The following DCK variants were observed in gnomAD, a reference collection of about 807,000 sequenced individuals.
DCK encodes deoxyadenosine kinase.
A neutral mutation model predicts 38.3 loss-of-function variants in DCK; 23 were observed. That is an observed-to-expected ratio of 0.60 (90% CI 0.43 to 0.85). The LOEUF (loss-of-function observed/expected upper bound fraction) is 0.85. Ranked by LOEUF, DCK falls within the 40% of genes least tolerant of loss-of-function variation. The pLI is 0.00. For missense variants in DCK, 259 were observed against 304.4 expected (o/e 0.85, Z 1.11); for synonymous variants, 108 against 100.6 (o/e 1.07, Z -0.44).
At chr4:70,998,646 G>A (rs769978885) in intron 2 of DCK, among the ~76,000 whole-genome samples, 53 of 152,118 alleles carry the variant, frequency 3.5e-4, no homozygotes, top group Non-Finnish European at 7.1e-4. Context: ...CATTGAGGCC[G>A]GGGTTGGTGG....
chr4:71,019,389 T>C (rs1003163591), intron 2 of DCK, among the ~76,000 whole-genome samples: 28 of 152,200 alleles, frequency 1.8e-4, no homozygotes, highest in African/African-American at 6.5e-4. Flanking sequence ...AGTTAATTTT[T>C]TTGTTGTGGC....
chr4:70,998,132 G>A lies in DCK; in HGVS notation c.157G>A (p.Glu53Lys). ...GTGTGAAGATTGGGAAGTGGTTCCT[G>A]AACCTGTTGCCAGATGGTGCAATGT... ...QLCEDWEVVP[E>K]PVARWCNVQS... is the part of the protein sequence containing the mutation. Residue 53 changes from glutamate to lysine, a missense_variant, in exon 2 of 7, where the codon GAA (glutamate) becomes AAA (lysine). Around this residue, in one of 3 missense-constraint regions of DCK, gnomAD observed 159 missense variants for 159.0 expected, o/e 1.00. Coordinates refer to ENST00000286648, the MANE Select transcript of DCK (RefSeq NM_000788.3). 6.2e-7 allele frequency: 1 copy of A among 1,609,272 alleles called. No homozygotes were observed. Among genetic ancestry groups the A allele is most frequent in the Non-Finnish European group, 8.5e-7 (1 of 1,176,976 alleles).
chr4:71,016,377 C>G (rs1208931714), intron 2 of DCK, among the ~76,000 whole-genome samples: 2 of 152,260 alleles, frequency 1.3e-5, no homozygotes, highest in Non-Finnish European at 2.9e-5. Flanking sequence ...TTTATAGATT[C>G]AATGCCATCC....
At chr4:71,023,761 C>G in intron 4 of DCK, 55 bp downstream of exon 4, 1 of 1,551,990 alleles carries the variant, frequency 6.4e-7, no homozygotes, top group Non-Finnish European at 8.7e-7. Flanking sequence ...ATTTAGAACT[C>G]TTTTCAGTGG....
At chr4:71,007,456 T>C (rs1444006313) in intron 2 of DCK, among the ~76,000 whole-genome samples, 1 of 152,216 alleles carries the variant, frequency 6.6e-6, no homozygotes, top group Non-Finnish European at 1.5e-5. Flanking sequence ...TCTTCTTTCC[T>C]ACGTTACTAC....
chr4:71,025,872 T>A lies in DCK; in HGVS notation c.606T>A (p.Leu202=), dbSNP rs1740535556. 6.2e-7 allele frequency: 1 copy of A among 1,611,444 alleles called. No homozygotes were observed. Among genetic ancestry groups the A allele is most frequent in the African/African-American group, 1.3e-5 (1 of 74,860 alleles). ...GAAATGAAGAGCAAGGCATTCCTCTTGAATATTTAGAGAAGCTTCATTATA... is the reference window on the plus strand; with the variant it reads ...GAAATGAAGAGCAAGGCATTCCTCTAGAATATTTAGAGAAGCTTCATTATA... The part of the protein sequence containing the change: ...RGRNEEQGIP[L]EYLEKLHYKH... Residue 202 remains leucine, a synonymous_variant, in exon 5 of 7, where the codon CTT becomes CTA. Coordinates refer to ENST00000286648, the MANE Select transcript of DCK (RefSeq NM_000788.3).
intron 2 of DCK, among the ~76,000 whole-genome samples, chr4:71,018,292 AT>A (rs1025892448): frequency 1.3e-5 from 2 of 150,858 alleles, no homozygotes; most frequent in South Asian, 2.1e-4. Context: ...ATGCCCCGCT[AT>A]TTTTTTTGGT....
chr4:70,998,368 A>T lies in DCK; in HGVS notation c.207+186A>T, dbSNP rs72553925. Among the ~76,000 whole-genome samples, 745 of 152,264 alleles carry T rather than the reference A, an allele frequency of 4.9e-3. 12 individuals carry two copies. Among genetic ancestry groups the T allele is most frequent in the African/African-American group, 0.017 (718 of 41,542 alleles). ...CTCCATATCAATGGGTTTCAGATTGATATGGATTCAACCAATCATGAATAG... is the reference window on the plus strand; with the variant it reads ...CTCCATATCAATGGGTTTCAGATTGTTATGGATTCAACCAATCATGAATAG... On this transcript the variant is annotated intron_variant, in intron 2 of 6. Coordinates refer to ENST00000286648, the MANE Select transcript of DCK (RefSeq NM_000788.3).
intron 2 of DCK, among the ~76,000 whole-genome samples, chr4:71,008,974 AG>A (rs1740022167): frequency 6.6e-6 from 1 of 152,194 alleles, no homozygotes; most frequent in African/African-American, 2.4e-5. Context: ...GAAGGGTAGG[AG>A]GAGGGGAAGA....
In DCK at chr4:71,023,665, C is replaced by G; in HGVS notation, c.508C>G (p.Leu170Val). ...DWMNNQFGQS[L>V]ELDGIIYLQA... ...GATGAATAACCAATTTGGCCAAAGC[C>G]TTGAATTGGATGGAATCATTTATCT... Residue 170 changes from leucine (L) to valine (V), a missense_variant, in exon 4 of 7, where the codon CTT becomes GTT. Around this residue, in one of 3 missense-constraint regions of DCK, gnomAD observed 82 missense variants for 103.8 expected, o/e 0.79. Coordinates refer to ENST00000286648, the MANE Select transcript of DCK (RefSeq NM_000788.3). The G allele has an allele frequency of 6.2e-7, 1 of 1,613,440 alleles. No homozygotes were observed. Among genetic ancestry groups the G allele is most frequent in the Non-Finnish European group, 8.5e-7 (1 of 1,179,640 alleles).
intron 6 of DCK, among the ~76,000 whole-genome samples, chr4:71,028,910 A>T (rs925032701): frequency 2.0e-5 from 3 of 152,208 alleles, no homozygotes; most frequent in Admixed American, 1.3e-4. Context: ...GGCATGTGCC[A>T]CTATGCCCGG....
intron 2 of DCK, among the ~76,000 whole-genome samples, chr4:71,018,844 G>C (rs996090643): frequency 1.3e-5 from 2 of 151,642 alleles, no homozygotes; most frequent in African/African-American, 4.8e-5. Context: ...GCTAATTTTT[G>C]TATTTTTTGT....
chr4:71,012,830 A>G (rs905603711), intron 2 of DCK, among the ~76,000 whole-genome samples: 6 of 152,242 alleles, frequency 3.9e-5, no homozygotes, highest in African/African-American at 1.2e-4. Flanking sequence ...CAGAGCAGAA[A>G]AGCTGAAAAT....
intron 2 of DCK, among the ~76,000 whole-genome samples, chr4:71,010,607 ATTTAAT>A (rs1354057038): frequency 6.8e-6 from 1 of 147,664 alleles, no homozygotes; most frequent in Non-Finnish European, 1.5e-5. Context: ...TAAAAATTAT[ATTTAAT>A]TTTATATTAT....
At chr4:71,017,163 A>G (rs1216184771) in intron 2 of DCK, among the ~76,000 whole-genome samples, 1 of 152,254 alleles carries the variant, frequency 6.6e-6, no homozygotes, top group African/African-American at 2.4e-5. Context: ...TATGCAGCCA[A>G]CAGACACATG....
intron 2 of DCK, among the ~76,000 whole-genome samples, chr4:71,021,077 T>C: frequency 6.8e-6 from 1 of 147,460 alleles, no homozygotes; most frequent in African/African-American, 2.5e-5. Flanking sequence ...TTTTTTTTTT[T>C]TTTTTTTTTG....
intron 2 of DCK, among the ~76,000 whole-genome samples, chr4:71,004,291 G>A (rs1739882807): frequency 6.6e-6 from 1 of 152,230 alleles, no homozygotes; most frequent in Non-Finnish European, 1.5e-5. Flanking sequence ...AGCGGAGGCT[G>A]CAGAACAGCA....
intron 2 of DCK, among the ~76,000 whole-genome samples, chr4:71,005,002 G>T (rs1053269793): frequency 6.6e-6 from 1 of 151,872 alleles, no homozygotes; most frequent in Admixed American, 6.6e-5. Flanking sequence ...GTTCTGTCTC[G>T]CTGGCATTCC....
intron 2 of DCK, among the ~76,000 whole-genome samples, chr4:71,019,886 A>C (rs1740367184): frequency 6.6e-6 from 1 of 152,072 alleles, no homozygotes; most frequent in African/African-American, 2.4e-5. Flanking sequence ...TCCCCAGTTC[A>C]AGTGATTCTC....
Sources: gnomAD v4.1 joint callset for allele counts (sites outside exome capture counted in the v4.1 genomes callset) on GRCh38, gnomAD v4.1.1 for gene constraint, gnomAD v4.1.1 regional missense constraint, MANE v1.5 for transcripts, NCBI Gene and HGNC (gene_info 2026-07-23, HGNC 2026-07-21) for gene names.